The following HESX1 variants were observed in gnomAD, a reference collection of about 807,000 sequenced individuals.
HESX1 encodes the protein homeobox expressed in ES cells 1.
Under a neutral mutation model 22.5 loss-of-function variants are expected in HESX1, and 11 were observed. The ratio of observed to expected loss-of-function variants is 0.49; its 90% CI spans 0.31 to 0.81. The LOEUF (loss-of-function observed/expected upper bound fraction) is 0.81. Ranked by LOEUF, HESX1 falls within the 30% of genes least tolerant of loss-of-function variation. The pLI is 0.05. For missense variants in HESX1, 201 were observed against 212.6 expected, an observed-to-expected ratio of 0.95 and a Z score of 0.34; for synonymous variants, 74 against 76.5, an observed-to-expected ratio of 0.97 and a Z score of 0.17.
At chr3:57,225,883 T>TTC (rs1262944496) in intron 1 of HESX1, among the ~76,000 whole-genome samples, 3 of 146,346 alleles carry the variant, frequency 2.0e-5, no homozygotes, top group Admixed American at 6.8e-5. Flanking sequence ...TTTCTTTTCT[T>TTC]TTTTTTTTTT....
chr3:57,201,065 T>C (rs966682917), upstream of HESX1, among the ~76,000 whole-genome samples: 18 of 152,228 alleles, frequency 1.2e-4, no homozygotes, highest in Admixed American at 8.5e-4. Context: ...TGCTTAGCTT[T>C]ATTCATTATT....
intron 1 of HESX1, among the ~76,000 whole-genome samples, chr3:57,207,873 T>C (rs1055406187): frequency 5.3e-5 from 8 of 152,238 alleles, no homozygotes; most frequent in Admixed American, 1.3e-4. Flanking sequence ...GAGAGCGCCC[T>C]TTCCCACACC....
chr3:57,199,516 G>T (rs2060470243), intron 1 of HESX1, among the ~76,000 whole-genome samples: 1 of 151,982 alleles, frequency 6.6e-6, no homozygotes, highest in Admixed American at 6.6e-5. Context: ...CTACTTGGCA[G>T]GCTGAGGCAG....
At chr3:57,199,100 T>TA in intron 1 of HESX1, 148 bp from the exon 2 acceptor site, 2 of 712,292 alleles carry the variant, frequency 2.8e-6, no homozygotes, top group Admixed American at 2.7e-5. Context: ...CAAAAACCAA[T>TA]AAAAAATGAA....
Position 57,198,847 on chromosome 3 carries a change from T to C in HESX1, c.263A>G (p.Glu88Gly). ...TCTTTCTGAGGCTGAAAAGTAATTT[T>C]CATATTTCGAAGCTCTTTCTTCTGG... ...PMPEERASKY[E>G]NYFSASERLS... The change falls in exon 2 of 4, where the codon GAA (glutamate) becomes GGA (glycine). Residue 88 changes from glutamate to glycine, a missense_variant. By Grantham distance (98) the Glu-to-Gly change is moderately conservative. Coordinates refer to ENST00000295934, the MANE Select transcript of HESX1 (RefSeq NM_003865.3). 1.9e-6 allele frequency: 3 copies of C among 1,614,168 alleles called. No homozygotes were observed. Among genetic ancestry groups the C allele is most frequent in the Non-Finnish European group, 2.5e-6 (3 of 1,180,012 alleles).
At chr3:57,211,536 A>AAAAAAAAAC (rs2060553892) in intron 1 of HESX1, among the ~76,000 whole-genome samples, 1 of 144,578 alleles carries the variant, frequency 6.9e-6, no homozygotes, top group East Asian at 2.0e-4. Context: ...TCAAAAAAAA[A>AAAAAAAAAC]AAAAAAAAAA....
Position 57,198,793 on chromosome 3 carries a change from T to C in HESX1, c.317A>G (p.Tyr106Cys), listed in dbSNP as rs1200079450. 1.2e-6 allele frequency: 2 copies of C among 1,614,062 alleles called. No individual in the cohort carries two copies. ...AGCAGTTCTTGGTCTTCGGCCTCTA[T>C]ACCAACTCAACTCTCTTTTCAAAGA... Reference protein sequence around the residue: ...RLSLKRELSWYRGRRPRTAFT... With the variant: ...RLSLKRELSWCRGRRPRTAFT... The change falls in exon 2 of 4, where the codon TAT becomes TGT. Residue 106 changes from tyrosine (Y) to cysteine (C), a missense_variant. Tyr to Cys is a radical substitution (Grantham distance 194, BLOSUM62 -2). Coordinates refer to ENST00000295934, the MANE Select transcript of HESX1 (RefSeq NM_003865.3).
chr3:57,206,382 C>T (rs2060519417), intron 1 of HESX1, among the ~76,000 whole-genome samples: 1 of 152,112 alleles, frequency 6.6e-6, no homozygotes, highest in African/African-American at 2.4e-5. Context: ...AGAGAAAAAG[C>T]CAGACTTGAA....
chr3:57,204,913 G>A (rs926968743), upstream of HESX1, among the ~76,000 whole-genome samples: 1 of 152,108 alleles, frequency 6.6e-6, no homozygotes, highest in Non-Finnish European at 1.5e-5. Context: ...ACTGGAAAAG[G>A]AGCAGCTAGC....
upstream of HESX1, among the ~76,000 whole-genome samples, chr3:57,226,826 A>T (rs765462807): frequency 1.3e-5 from 2 of 152,180 alleles, no homozygotes; most frequent in Non-Finnish European, 2.9e-5. Flanking sequence ...TTCTCTGTAT[A>T]ATGATGAAAG....
upstream of HESX1, among the ~76,000 whole-genome samples, chr3:57,203,942 A>C (rs1014377663): frequency 6.6e-6 from 1 of 152,160 alleles, no homozygotes; most frequent in African/African-American, 2.4e-5. Flanking sequence ...AAGTGCTGGA[A>C]TTACAGGTGC....
At chr3:57,207,689 A>G (rs2060527441) in intron 1 of HESX1, among the ~76,000 whole-genome samples, 2 of 152,250 alleles carry the variant, frequency 1.3e-5, no homozygotes, top group South Asian at 4.1e-4. Flanking sequence ...ATTTCTAACA[A>G]GTGAAAGTTT....
chr3:57,200,005 C>A, upstream of HESX1: 1 of 1,145,112 alleles, frequency 8.7e-7, no homozygotes, highest in South Asian at 1.2e-5. Flanking sequence ...TGCAGTTCAC[C>A]TTATAGCTCC....
intron 1 of HESX1, among the ~76,000 whole-genome samples, chr3:57,213,618 T>C (rs1012479085): frequency 1.3e-5 from 2 of 152,220 alleles, no homozygotes; most frequent in African/African-American, 4.8e-5. Context: ...GGATAAATGT[T>C]ATGGTTTTAA....
At chr3:57,207,227 G>A (rs1208240391) in intron 1 of HESX1, among the ~76,000 whole-genome samples, 1 of 152,186 alleles carries the variant, frequency 6.6e-6, no homozygotes, top group East Asian at 1.9e-4. Context: ...TAGGATTACA[G>A]GCATGAGCCA....
At chr3:57,217,165 G>A (rs1430616824) in intron 1 of HESX1, among the ~76,000 whole-genome samples, 1 of 152,142 alleles carries the variant, frequency 6.6e-6, no homozygotes, top group Admixed American at 6.5e-5. Flanking sequence ...ATGGTGTTTA[G>A]AGGGCAAAAT....
At chr3:57,198,606 G>C (rs2060463257) in intron 2 of HESX1, 114 bp from the exon 3 acceptor site, 1 of 1,017,014 alleles carries the variant, frequency 9.8e-7, no homozygotes, top group South Asian at 1.4e-5. Flanking sequence ...TTTTAAAAAT[G>C]ATTACCTGGA....
At chr3:57,226,252 C>T (rs2060644043) in intron 1 of HESX1, 1 of 151,950 alleles carries the variant, frequency 6.6e-6, no homozygotes, top group Non-Finnish European at 1.5e-5. Flanking sequence ...CACAACCTTT[C>T]TTCATTTAAA....
At chr3:57,220,774 C>T (rs2060611347) in intron 1 of HESX1, among the ~76,000 whole-genome samples, 2 of 152,150 alleles carry the variant, frequency 1.3e-5, no homozygotes, top group African/African-American at 4.8e-5. Flanking sequence ...CTCCAGTTTC[C>T]CCAACACTTG....
Sources: allele counts gnomAD v4.1 joint callset (sites outside exome capture counted in the v4.1 genomes callset), GRCh38; gene constraint gnomAD v4.1.1; transcripts MANE v1.5; gene names NCBI Gene and HGNC (gene_info 2026-07-23, HGNC 2026-07-21).